Variants in VPS13B observed in about 807,000 individuals in gnomAD.
VPS13B encodes vacuolar protein sorting 13 homolog B, also known as intermembrane lipid transfer protein VPS13B.
A neutral mutation model predicts 426.4 loss-of-function variants in VPS13B; 285 were observed. The observed-to-expected ratio is 0.67, with a 90% CI of 0.61 to 0.74. VPS13B has a LOEUF of 0.74. Among genes scored for constraint, VPS13B ranks in the 30% least tolerant of loss-of-function variants. The probability of loss-of-function intolerance (pLI) is 0.00; values close to 1 mark genes in which losing one functional copy is unlikely to be tolerated. For synonymous variants in VPS13B, 1,676 were observed against 1,676.4 expected (o/e 1.00, Z 0.01); for missense variants, 4,537 against 4,782.6 (o/e 0.95, Z 1.51).
At chr8:99,393,030 G>A in intron 21 of VPS13B, among the ~76,000 whole-genome samples, 1 of 151,650 alleles carries the variant, frequency 6.6e-6, no homozygotes, top group Admixed American at 6.6e-5. Context: ...TTACATAAAG[G>A]TTTATAAACA....
At chr8:99,483,202 A>G (rs560561911) in intron 25 of VPS13B, among the ~76,000 whole-genome samples, 50 of 152,280 alleles carry the variant, frequency 3.3e-4, no homozygotes, top group Non-Finnish European at 6.2e-4. Flanking sequence ...CCCCCTGTAC[A>G]AGCAACTTTT....
At chr8:99,086,249 A>C (rs1845785977) in intron 3 of VPS13B, among the ~76,000 whole-genome samples, 2 of 152,132 alleles carry the variant, frequency 1.3e-5, no homozygotes, top group South Asian at 2.1e-4. Context: ...AATTGATTGA[A>C]TCGGCTACTG....
chr8:99,775,885 A>T (rs1413562279), intron 40 of VPS13B, among the ~76,000 whole-genome samples: 2 of 152,130 alleles, frequency 1.3e-5, no homozygotes, highest in Admixed American at 6.5e-5. Context: ...CCTGGACAAC[A>T]AAAGTAGACT....
intron 31 of VPS13B, among the ~76,000 whole-genome samples, chr8:99,557,764 G>A (rs1276780379): frequency 6.6e-6 from 1 of 152,066 alleles, no homozygotes; most frequent in East Asian, 1.9e-4. Context: ...TACTCTTAAC[G>A]ATTTATAGTC....
chr8:99,060,950 T>C (rs1313614778), intron 3 of VPS13B, among the ~76,000 whole-genome samples: 1 of 152,200 alleles, frequency 6.6e-6, no homozygotes, highest in Non-Finnish European at 1.5e-5. Flanking sequence ...AAGAATGTTA[T>C]GAATGAGTGA....
At chr8:99,255,689 C>T (rs964333516) in intron 17 of VPS13B, among the ~76,000 whole-genome samples, 3 of 152,114 alleles carry the variant, frequency 2.0e-5, no homozygotes, top group East Asian at 1.9e-4. Context: ...TCTGTTGATA[C>T]ATCCCTGGCT....
chr8:99,787,829 C>T (rs1812342324), intron 43 of VPS13B, among the ~76,000 whole-genome samples: 1 of 151,882 alleles, frequency 6.6e-6, no homozygotes. Context: ...AATAGTATTG[C>T]CTTTATCTTG....
intron 30 of VPS13B, among the ~76,000 whole-genome samples, chr8:99,524,274 C>T (rs1284808495): frequency 1.3e-5 from 2 of 152,058 alleles, no homozygotes; most frequent in Non-Finnish European, 2.9e-5. Flanking sequence ...AGTTATTGGC[C>T]TTAAAGACAG....
chr8:99,861,922 T>A lies in VPS13B; in HGVS notation c.11191T>A (p.Ser3731Thr). 3.8e-6 allele frequency: 6 copies of A among 1,596,096 alleles called. No individual in the cohort carries two copies. The highest frequency in any genetic ancestry group is 2.3e-5 in the South Asian group (2 of 87,926). The change falls in exon 58 of 62, where the codon TCC becomes ACC. Residue 3731 changes from serine to threonine, a missense_variant. By Grantham distance (58) the Ser-to-Thr change is moderately conservative. This residue lies in a region of VPS13B where 4,311 missense variants were observed against 4,474.3 expected (regional missense o/e 0.96). Transcript: ENST00000357162. ...GGGCGAGGGGCTTCGACAGGGCCTG[T>A]CCCGGCTGGGCATCAGCCTGCTTGG... is the stretch of plus-strand genomic sequence containing the variant. ...SLGEGLRQGL[S>T]RLGISLLGAI...
At chr8:99,583,721 T>C (rs1826181839) in intron 33 of VPS13B, among the ~76,000 whole-genome samples, 1 of 152,134 alleles carries the variant, frequency 6.6e-6, no homozygotes, top group South Asian at 2.1e-4. Flanking sequence ...TGTGGTTGCG[T>C]AATAACAGAT....
chr8:99,256,046 C>T (rs1030357899), intron 17 of VPS13B, among the ~76,000 whole-genome samples: 16 of 152,078 alleles, frequency 1.1e-4, no homozygotes, highest in African/African-American at 3.9e-4. Flanking sequence ...TGGAGGAGAC[C>T]AGTTTTTGCC....
rs1428019916 is a variant in VPS13B at position 99,821,566 on chromosome 8, G to C, written c.9183+84G>C. On this transcript the variant is annotated intron_variant, in intron 50 of 61. Transcript: ENST00000357162. ...AAAATGAATCTGCCTTTTTCTTTTT[G>C]ATACCTTTTTCATATTACTTCTTCT... 10 of 1,502,918 alleles carry C rather than the reference G, an allele frequency of 6.7e-6. No individual in the cohort carries two copies. In the Admixed American group the frequency reaches 8.4e-5, roughly 13 times the overall value. 93.1% of individuals were successfully genotyped at this position (1,502,918 alleles called of 1,614,324 possible).
chr8:99,830,018 G>T (rs1358926576), intron 51 of VPS13B, among the ~76,000 whole-genome samples: 1 of 152,196 alleles, frequency 6.6e-6, no homozygotes, highest in Non-Finnish European at 1.5e-5. Flanking sequence ...GAGCTCTCCT[G>T]TATGAGGTGT....
intron 31 of VPS13B, among the ~76,000 whole-genome samples, chr8:99,567,336 ATTAAG>A (rs1825236319): frequency 6.6e-6 from 1 of 152,192 alleles, no homozygotes; most frequent in African/African-American, 2.4e-5. Flanking sequence ...GTAAAATTGA[ATTAAG>A]TTAATATTTT....
chr8:99,568,809 G>GT (rs1409584556), intron 31 of VPS13B, among the ~76,000 whole-genome samples: 1 of 146,832 alleles, frequency 6.8e-6, no homozygotes, highest in Non-Finnish European at 1.5e-5. Flanking sequence ...GTTTTTTTTT[G>GT]TTTTTTTGTT....
chr8:99,804,044 C>G (rs1288783763), intron 43 of VPS13B: 1 of 152,110 alleles, frequency 6.6e-6, no homozygotes, highest in African/African-American at 2.4e-5. Flanking sequence ...GTTGAAAGAT[C>G]ATTCAAAATA....
intron 33 of VPS13B, among the ~76,000 whole-genome samples, chr8:99,622,956 T>C (rs535387941): frequency 7.2e-5 from 11 of 152,302 alleles, no homozygotes; most frequent in Non-Finnish European, 1.6e-4. Context: ...GCCTCATAAT[T>C]CATCTCCTTT....
chr8:99,276,122 C>G (rs913478727), intron 19 of VPS13B, among the ~76,000 whole-genome samples: 1 of 152,050 alleles, frequency 6.6e-6, no homozygotes, highest in African/African-American at 2.4e-5. Context: ...AGATTTGCAA[C>G]TAACTGAGCA....
At chr8:99,371,517 C>T (rs895080150) in intron 19 of VPS13B, among the ~76,000 whole-genome samples, 7 of 152,122 alleles carry the variant, frequency 4.6e-5, no homozygotes, top group Non-Finnish European at 7.4e-5. Context: ...AGTCACGTAG[C>T]GTGATGCCTC....
Sources: allele counts gnomAD v4.1 joint callset (sites outside exome capture counted in the v4.1 genomes callset), GRCh38; gene constraint gnomAD v4.1.1; regional missense constraint gnomAD v4.1.1; transcripts MANE v1.5; gene names NCBI Gene and HGNC (gene_info 2026-07-23, HGNC 2026-07-21).